MACROD1: variants seen among roughly 807,000 people sequenced by gnomAD.
MACROD1 encodes mono-ADP ribosylhydrolase 1, also known as ADP-ribose glycohydrolase MACROD1.
Under a neutral mutation model 41.4 loss-of-function variants are expected in MACROD1, and 31 were observed. The ratio of observed to expected loss-of-function variants is 0.75; its 90% CI spans 0.56 to 1.01. The LOEUF (loss-of-function observed/expected upper bound fraction) is 1.01. MACROD1 is among the 50% of genes least tolerant of loss of function. The pLI, the probability that MACROD1 is intolerant of heterozygous loss-of-function variation, is 0.00. For missense variants in MACROD1, 473 were observed against 460.0 expected, an observed-to-expected ratio of 1.03 and a Z score of -0.26; for synonymous variants, 252 against 203.4, an observed-to-expected ratio of 1.24 and a Z score of -2.03.
chr11:64,132,042 G>C (rs1426309553), intron 3 of MACROD1, among the ~76,000 whole-genome samples: 1 of 152,206 alleles, frequency 6.6e-6, no homozygotes, highest in Non-Finnish European at 1.5e-5. Context: ...CTGGGGCCAG[G>C]TCTCTGCACC....
chr11:64,111,421 C>T (rs1458617906), intron 3 of MACROD1, among the ~76,000 whole-genome samples: 1 of 152,348 alleles, frequency 6.6e-6, no homozygotes, highest in African/African-American at 2.4e-5. Context: ...CTTCCTGTCT[C>T]TAGCATTGCC....
At chr11:64,081,711 G>C (rs1003028899) in intron 3 of MACROD1, 3 of 152,168 alleles carry the variant, frequency 2.0e-5, no homozygotes, top group Non-Finnish European at 4.4e-5. Flanking sequence ...TGTGGCTGAA[G>C]CCTGTTCCTG....
Position 64,122,885 on chromosome 11 carries a change from G to T in MACROD1, c.517+28354C>A, listed in dbSNP as rs1565247014. The stretch of plus-strand genomic sequence containing the variant: ...CCTGTGCCTCCCTCCTTCACCTCCG[G>T]CCCTGGAGCCAAGGAGCCAGGAGAG... On this transcript the variant is annotated intron_variant, in intron 3 of 10. Coordinates refer to ENST00000255681, the MANE Select transcript of MACROD1 (RefSeq NM_014067.4). This position sits in a 1 kb window ranked among gnomAD's most constrained non-coding sequence, Gnocchi z 4.0. Among the ~76,000 whole-genome samples, 1 of 152,198 alleles carries T rather than the reference G, an allele frequency of 6.6e-6. No homozygotes were observed. The highest frequency in any genetic ancestry group is 2.1e-4 in the South Asian group (1 of 4,838).
intron 3 of MACROD1, among the ~76,000 whole-genome samples, chr11:64,144,965 C>T (rs573431638): frequency 6.6e-6 from 1 of 152,366 alleles, no homozygotes; most frequent in African/African-American, 2.4e-5. Context: ...CCAGGGACAG[C>T]CGGACGCAGG....
chr11:64,050,318 C>CT (rs1943669137), intron 3 of MACROD1, among the ~76,000 whole-genome samples: 1 of 152,178 alleles, frequency 6.6e-6, no homozygotes, highest in African/African-American at 2.4e-5. Context: ...CAGAGCTTGA[C>CT]TGAGTTTAGT....
At chr11:64,137,211 G>C (rs1945345276) in intron 3 of MACROD1, among the ~76,000 whole-genome samples, 1 of 152,216 alleles carries the variant, frequency 6.6e-6, no homozygotes, top group Non-Finnish European at 1.5e-5. Context: ...CAAGACAAGA[G>C]GCCCAGAGGC....
intron 4 of MACROD1, among the ~76,000 whole-genome samples, chr11:64,004,928 A>G (rs488082): frequency 0.49 from 74,389 of 151,872 alleles, 19,788 homozygotes; most frequent in African/African-American, 0.7. Context: ...GATATGCTGG[A>G]AGGTGTCAAG....
chr11:63,999,425 G>A, intron 7 of MACROD1, 21 bp from the exon 8 acceptor site: 1 of 1,559,726 alleles, frequency 6.4e-7, no homozygotes, highest in Non-Finnish European at 8.7e-7. Flanking sequence ...TGGGGCGGGA[G>A]TGAGTCCTAG....
chr11:64,070,020 G>A (rs376352550), intron 3 of MACROD1, among the ~76,000 whole-genome samples: 22 of 152,196 alleles, frequency 1.4e-4, no homozygotes, highest in African/African-American at 4.8e-4. Flanking sequence ...CGGGGATGGT[G>A]AGAGGTGTCC....
chr11:64,009,824 G>T (rs1012542730), intron 4 of MACROD1, among the ~76,000 whole-genome samples: 2 of 152,196 alleles, frequency 1.3e-5, no homozygotes, highest in Non-Finnish European at 2.9e-5. Flanking sequence ...CTAAATCACC[G>T]CACATTTGCC....
intron 3 of MACROD1, among the ~76,000 whole-genome samples, chr11:64,051,057 G>A (rs1943684489): frequency 6.6e-6 from 1 of 152,240 alleles, no homozygotes; most frequent in African/African-American, 2.4e-5. Flanking sequence ...TGAGGCTCAA[G>A]TATTGTGCCC....
Position 64,096,871 on chromosome 11 carries a change from C to T in MACROD1, c.517+54368G>A, listed in dbSNP as rs966015853. Among the ~76,000 whole-genome samples, 14 of 152,332 alleles carry T rather than the reference C, an allele frequency of 9.2e-5. No homozygotes were observed. The highest frequency in any genetic ancestry group is 2.4e-4 in the African/African-American group (10 of 41,586). On this transcript the variant is annotated intron_variant, in intron 3 of 10. Transcript: ENST00000255681. This position sits in a 1 kb window ranked among gnomAD's most constrained non-coding sequence, Gnocchi z 4.6. Reference sequence around the variant, plus strand: ...GCTGTGTCCCTTCGAGGGCCTCCCCCGGCAGAGCTGAGAGCCGATGCCTGT... The same window carrying T: ...GCTGTGTCCCTTCGAGGGCCTCCCCTGGCAGAGCTGAGAGCCGATGCCTGT...
rs1944035494 is a variant in MACROD1 at position 64,067,895 on chromosome 11, T to G, written c.518-52614A>C. Among the ~76,000 whole-genome samples, 1 of 152,050 alleles carries G rather than the reference T, an allele frequency of 6.6e-6. No homozygotes were observed. Among genetic ancestry groups the G allele is most frequent in the African/African-American group, 2.4e-5 (1 of 41,400 alleles). ...CTGCTGCTGTCCATTTAGCCAGCGG[T>G]TCGCTCGGCTTTTAGGAGGGGGCTG... On this transcript the variant is annotated intron_variant, in intron 3 of 10. Transcript: ENST00000255681. This position sits in a 1 kb window ranked among gnomAD's most constrained non-coding sequence, Gnocchi z 4.6.
In MACROD1 at chr11:64,013,673, C is replaced by T. The variant is rs556099830; in HGVS notation, c.547+1579G>A. Reference sequence around the variant, plus strand: ...CAGAAAGGCCCACCCCCTTTGTGATCCTTTATCTTCCTGAACTGAATGGCT... The same window carrying T: ...CAGAAAGGCCCACCCCCTTTGTGATTCTTTATCTTCCTGAACTGAATGGCT... On this transcript the variant is annotated intron_variant, in intron 4 of 10. Coordinates refer to ENST00000255681, the MANE Select transcript of MACROD1 (RefSeq NM_014067.4). Among the ~76,000 whole-genome samples, 5 of 152,262 alleles carry T rather than the reference C, an allele frequency of 3.3e-5. No homozygotes were observed. The South Asian group carries it at 6.2e-4, about 19-fold the overall frequency.
intron 3 of MACROD1, among the ~76,000 whole-genome samples, chr11:64,015,944 C>T (rs547863432): frequency 8.9e-4 from 135 of 152,282 alleles, no homozygotes; most frequent in African/African-American, 3.0e-3. Flanking sequence ...CATGTGGCTT[C>T]GTGCCTCATT....
intron 1 of MACROD1, among the ~76,000 whole-genome samples, chr11:64,155,654 T>C (rs750280390): frequency 6.1e-4 from 93 of 151,412 alleles, no homozygotes; most frequent in Non-Finnish European, 3.1e-4. Flanking sequence ...TGTGGAGAAC[T>C]TTTTTTTCCA....
intron 3 of MACROD1, among the ~76,000 whole-genome samples, chr11:64,132,532 G>GTCC (rs977650611): frequency 6.6e-6 from 1 of 152,172 alleles, no homozygotes; most frequent in African/African-American, 2.4e-5. Context: ...GGACGGGCGG[G>GTCC]TCCTGAGCAG....
At chr11:64,014,821 G>A (rs1448735987) in intron 4 of MACROD1, among the ~76,000 whole-genome samples, 2 of 152,250 alleles carry the variant, frequency 1.3e-5, no homozygotes, top group Admixed American at 1.3e-4. Context: ...AGGGCTGAGA[G>A]CTGGCAGCTC....
chr11:64,113,477 TATGGATGGATGG>T (rs548042849), intron 3 of MACROD1, among the ~76,000 whole-genome samples: 1 of 102,918 alleles, frequency 9.7e-6, no homozygotes, highest in African/African-American at 3.9e-5. Flanking sequence ...TTGATGCATA[TATGGATGGATGG>T]ATGGATGGTT....
Sources: allele counts gnomAD v4.1 joint callset (sites outside exome capture counted in the v4.1 genomes callset), GRCh38; gene constraint gnomAD v4.1.1; non-coding constraint Gnocchi (gnomAD v3.1); transcripts MANE v1.5; gene names NCBI Gene and HGNC (gene_info 2026-07-23, HGNC 2026-07-21).